MAF: variants seen among roughly 807,000 people sequenced by gnomAD.
MAF encodes transcription factor Maf.
MAF carries 10 observed loss-of-function variants against 22.0 expected under a neutral mutation model. That is an observed-to-expected ratio of 0.45 (90% CI 0.28 to 0.77). The LOEUF (loss-of-function observed/expected upper bound fraction) is 0.77, where lower values mean the gene tolerates loss of function less well. Ranked by LOEUF, MAF falls within the 30% of genes least tolerant of loss-of-function variation. MAF has a pLI of 0.12. For synonymous variants in MAF, 337 were observed against 255.8 expected (o/e 1.32, Z -3.03); for missense variants, 544 against 548.4 (o/e 0.99, Z 0.08).
At chr16:79,424,856 C>T in the MAF span, among the ~76,000 whole-genome samples, 1 of 152,034 alleles carries the variant, frequency 6.6e-6, no homozygotes, top group Admixed American at 6.5e-5. Context: ...ATAATATGCT[C>T]CTATCCAAGT....
At chr16:79,328,671 A>G in the MAF span, among the ~76,000 whole-genome samples, 26 of 152,184 alleles carry the variant, frequency 1.7e-4, no homozygotes, top group African/African-American at 5.8e-4. Flanking sequence ...GGAGTCTTTC[A>G]TTTGGCCAAT....
the MAF span, among the ~76,000 whole-genome samples, chr16:79,453,951 GATT>G: frequency 9.2e-5 from 14 of 152,140 alleles, no homozygotes; most frequent in South Asian, 4.2e-4. Context: ...TAGTTTATTG[GATT>G]ATTATTAATA....
chr16:79,243,806 G>A, the MAF span, among the ~76,000 whole-genome samples: 21 of 152,020 alleles, frequency 1.4e-4, no homozygotes, highest in African/African-American at 4.3e-4. Flanking sequence ...ACATTGCTGC[G>A]AAAATCCTCA....
the MAF span, among the ~76,000 whole-genome samples, chr16:79,432,607 T>G: frequency 6.6e-6 from 1 of 152,170 alleles, no homozygotes; most frequent in Non-Finnish European, 1.5e-5. Flanking sequence ...GGGGGAACAT[T>G]GTATTTCAGA....
chr16:79,435,178 G>A, the MAF span, among the ~76,000 whole-genome samples: 6 of 152,072 alleles, frequency 3.9e-5, no homozygotes, highest in East Asian at 1.9e-4. Context: ...ACGGACACAC[G>A]TCCATATATA....
chr16:79,541,120 C>T, the MAF span, among the ~76,000 whole-genome samples: 2 of 147,334 alleles, frequency 1.4e-5, no homozygotes, highest in South Asian at 2.1e-4. Flanking sequence ...ACTGATATTA[C>T]CACTACTATA....
the MAF span, among the ~76,000 whole-genome samples, chr16:79,268,897 T>C: frequency 1.3e-5 from 2 of 152,216 alleles, no homozygotes; most frequent in Non-Finnish European, 2.9e-5. Flanking sequence ...GCCATTTCAC[T>C]CTTTTGCACC....
the MAF span, among the ~76,000 whole-genome samples, chr16:79,207,526 G>C: frequency 6.6e-6 from 1 of 152,230 alleles, no homozygotes; most frequent in Non-Finnish European, 1.5e-5. Context: ...AGCATTTGCT[G>C]TGCAATGTCC....
At chr16:79,537,391 T>G in the MAF span, among the ~76,000 whole-genome samples, 1 of 151,958 alleles carries the variant, frequency 6.6e-6, no homozygotes, top group Non-Finnish European at 1.5e-5. Context: ...TTCTCAATCA[T>G]GTATATGTTT....
the MAF span, among the ~76,000 whole-genome samples, chr16:79,534,807 G>A: frequency 6.6e-6 from 1 of 152,176 alleles, no homozygotes; most frequent in Admixed American, 6.5e-5. Context: ...TGTACTGACT[G>A]TAAGGGTCTA....
At chr16:79,375,961 G>A in the MAF span, among the ~76,000 whole-genome samples, 1 of 152,140 alleles carries the variant, frequency 6.6e-6, no homozygotes, top group Non-Finnish European at 1.5e-5. Context: ...AGAAATGCGG[G>A]TTAACAATGA....
the MAF span, among the ~76,000 whole-genome samples, chr16:79,559,565 C>T: frequency 6.6e-6 from 1 of 152,100 alleles, no homozygotes; most frequent in Admixed American, 6.5e-5. Flanking sequence ...GAGGCTTCCA[C>T]TGTTTTATTG....
the MAF span, among the ~76,000 whole-genome samples, chr16:79,499,780 A>G: frequency 6.6e-6 from 1 of 152,158 alleles, no homozygotes. Flanking sequence ...GCTACCCAAT[A>G]TTTTGTTTCA....
chr16:79,443,962 A>G, the MAF span, among the ~76,000 whole-genome samples: 1 of 152,190 alleles, frequency 6.6e-6, no homozygotes, highest in African/African-American at 2.4e-5. Context: ...ACTGAGAAAA[A>G]CCAAACAACT....
the MAF span, among the ~76,000 whole-genome samples, chr16:79,318,549 T>C: frequency 6.6e-6 from 1 of 152,198 alleles, no homozygotes; most frequent in Non-Finnish European, 1.5e-5. Flanking sequence ...CGAAACTACA[T>C]TGCTGGGTGT....
the MAF span, among the ~76,000 whole-genome samples, chr16:79,541,436 A>G: frequency 2.0e-5 from 3 of 152,110 alleles, no homozygotes; most frequent in Non-Finnish European, 4.4e-5. Context: ...AGTCCCTGGC[A>G]GGGACTCTAG....
At chr16:79,367,247 G>C in the MAF span, among the ~76,000 whole-genome samples, 3 of 152,178 alleles carry the variant, frequency 2.0e-5, no homozygotes, top group Non-Finnish European at 4.4e-5. Flanking sequence ...CTTTGAGGAA[G>C]TTAGCTCTCT....
the MAF span, among the ~76,000 whole-genome samples, chr16:79,474,306 T>C: frequency 3.9e-5 from 6 of 152,202 alleles, no homozygotes; most frequent in Non-Finnish European, 7.3e-5. Context: ...GGTTGTACTA[T>C]TACCATTTAT....
the MAF span, among the ~76,000 whole-genome samples, chr16:79,276,352 A>G: frequency 1.7e-4 from 26 of 152,196 alleles, 1 homozygote; most frequent in Middle Eastern, 6.8e-3. Context: ...CAGATTTGTC[A>G]TCCAAGAAAG....
Sources: gnomAD v4.1 joint callset for allele counts (sites outside exome capture counted in the v4.1 genomes callset) on GRCh38, gnomAD v4.1.1 for gene constraint, MANE v1.5 for transcripts, NCBI Gene and HGNC (gene_info 2026-07-23, HGNC 2026-07-21) for gene names.